The following LTBP4 variants were observed in gnomAD, a reference collection of about 807,000 sequenced individuals.
LTBP4 encodes the protein latent transforming growth factor beta binding protein 4, also known as latent-transforming growth factor beta-binding protein 4.
Under a neutral mutation model 180.2 loss-of-function variants are expected in LTBP4, and 93 were observed. The ratio of observed to expected loss-of-function variants is 0.52; its 90% CI spans 0.44 to 0.61. The LOEUF (loss-of-function observed/expected upper bound fraction) is 0.61. Ranked by LOEUF, LTBP4 falls within the 20% of genes least tolerant of loss-of-function variation. The probability of loss-of-function intolerance (pLI) is 0.00; values close to 1 mark genes in which losing one functional copy is unlikely to be tolerated. For synonymous variants in LTBP4, 947 were observed against 934.5 expected (o/e 1.01, Z -0.24); for missense variants, 2,116 against 2,256.5 (o/e 0.94, Z 1.26).
chr19:40,611,717 G>A lies in LTBP4; in HGVS notation c.2054-142G>A. On this transcript the variant is annotated intron_variant, in intron 13 of 29. Coordinates refer to ENST00000396819, the MANE Select transcript of LTBP4 (RefSeq NM_001042545.2). The surrounding 1 kb of genome is among the most constrained non-coding windows in gnomAD (Gnocchi z 4.4). ...ACCATTGAATGGGGACACGAGGAAGGTGTCTGTCTTCCTGGGAAGAGGGAG... is the reference window on the plus strand; with the variant it reads ...ACCATTGAATGGGGACACGAGGAAGATGTCTGTCTTCCTGGGAAGAGGGAG... The A allele has an allele frequency of 7.8e-7, 1 of 1,284,278 alleles. No homozygotes were observed. The highest frequency in any genetic ancestry group is 1.1e-6 in the Non-Finnish European group (1 of 946,184). 79.6% of individuals were successfully genotyped at this position (1,284,278 alleles called of 1,614,324 possible).
intron 19 of LTBP4, 90 bp downstream of exon 19, chr19:40,614,536 C>T: frequency 6.8e-7 from 1 of 1,473,412 alleles, no homozygotes; most frequent in Non-Finnish European, 9.1e-7. Flanking sequence ...GCCCTGCTTC[C>T]CAGACTTAGG....
At chr19:40,593,702 A>ATTT (rs5828072) in intron 1 of LTBP4, among the ~76,000 whole-genome samples, 4 of 150,182 alleles carry the variant, frequency 2.7e-5, no homozygotes, top group Non-Finnish European at 4.4e-5. Context: ...TATTAGAGTC[A>ATTT]TTTTTTTTTC....
At chr19:40,625,303 TATATATATATA>T (rs1568414593) in intron 26 of LTBP4, among the ~76,000 whole-genome samples, 486 of 20,820 alleles carry the variant, frequency 0.023, 123 homozygotes, top group Non-Finnish European at 0.03. Context: ...TATATATATA[TATATATATATA>T]TATTTTTTTT....
At chr19:40,602,189 GGGGGT>G (rs1229117546) in intron 1 of LTBP4, among the ~76,000 whole-genome samples, 3 of 149,316 alleles carry the variant, frequency 2.0e-5, no homozygotes, top group Non-Finnish European at 4.5e-5. Flanking sequence ...GTGTGGCGGC[GGGGGT>G]GGGGTGGGGG....
chr19:40,624,191 C>A (rs2081608432), intron 26 of LTBP4, 109 bp downstream of exon 26: 10 of 1,322,716 alleles, frequency 7.6e-6, no homozygotes, highest in Non-Finnish European at 2.0e-6. Flanking sequence ...ACGCCCCATG[C>A]TCCTGGCTCG....
At chr19:40,614,288 A>G (rs754908836) in intron 18 of LTBP4, 27 bp from the exon 19 acceptor site, 1 of 1,586,440 alleles carries the variant, frequency 6.3e-7, no homozygotes, top group Admixed American at 1.7e-5. Context: ...TGCTTCCCAC[A>G]TCCGACCACC....
chr19:40,609,993 C>A lies in LTBP4; in HGVS notation c.1684+122C>A. 7.4e-7 allele frequency: 1 copy of A among 1,353,590 alleles called. No homozygotes were observed. Among genetic ancestry groups the A allele is most frequent in the Non-Finnish European group, 9.7e-7 (1 of 1,026,398 alleles). 83.8% of individuals were successfully genotyped at this position (1,353,590 alleles called of 1,614,324 possible). A position where few individuals can be genotyped will look rare whatever the true frequency, so the allele number is the denominator to read the frequency against. On this transcript the variant is annotated intron_variant, in intron 11 of 29. Coordinates refer to ENST00000396819, the MANE Select transcript of LTBP4 (RefSeq NM_001042545.2). This position sits in a 1 kb window ranked among gnomAD's most constrained non-coding sequence, Gnocchi z 4.9. ...GGGTCCCGCCCCAGGACTGCTCTGC[C>A]CTGGCCCTTGGCCCTGCCCTTCCCT...
chr19:40,624,203 C>A (rs1265357781), intron 26 of LTBP4, 121 bp downstream of exon 26: 2 of 1,195,616 alleles, frequency 1.7e-6, no homozygotes, highest in South Asian at 3.3e-5. Flanking sequence ...CCTGGCTCGA[C>A]CACGCCCCAC....
At chr19:40,599,799 C>T (rs1305671378), upstream of LTBP4, 3 of 578,046 alleles carry the variant, frequency 5.2e-6, no homozygotes, top group Non-Finnish European at 9.1e-6. Flanking sequence ...CTCTTTTCCT[C>T]TCTCTCTTTC....
chr19:40,620,059 C>CA (rs1388949890), intron 22 of LTBP4, among the ~76,000 whole-genome samples: 1 of 152,062 alleles, frequency 6.6e-6, no homozygotes, highest in Non-Finnish European at 1.5e-5. Context: ...AGCCAGAGAG[C>CA]ATCTGGCATG....
chr19:40,627,063 C>T lies in LTBP4; in HGVS notation c.4074C>T (p.Gly1358=). The part of the protein sequence containing the change: ...PGGFGLPYEY[G]PDLGPPYQGL... ...GCTTTGGACTCCCCTACGAGTACGG[C>T]CCAGACTTAGGTCCACCTTACCAGG... The change falls in exon 28 of 30, where the codon GGC becomes GGT. Residue 1358 remains glycine (G), a synonymous_variant. Coordinates refer to ENST00000396819, the MANE Select transcript of LTBP4 (RefSeq NM_001042545.2). 1 of 1,613,760 alleles carries T rather than the reference C, an allele frequency of 6.2e-7. No individual in the cohort carries two copies.
upstream of LTBP4, chr19:40,597,250 A>G (rs1568399241): frequency 2.0e-6 from 3 of 1,507,404 alleles, no homozygotes; most frequent in Middle Eastern, 2.3e-4. Context: ...GAGGCCTGGC[A>G]CCAGCGGCCG....
chr19:40,623,535 C>G, intron 24 of LTBP4, 69 bp from the exon 25 acceptor site: 1 of 1,541,820 alleles, frequency 6.5e-7, no homozygotes, highest in Non-Finnish European at 8.8e-7. Context: ...TCTCTGTCTT[C>G]CCACGTCATG....
chr19:40,595,056 G>T (rs779139602), intron 1 of LTBP4, among the ~76,000 whole-genome samples: 3 of 152,112 alleles, frequency 2.0e-5, no homozygotes, highest in Non-Finnish European at 4.4e-5. Context: ...CGGGGCTAAC[G>T]CTACAGAACT....
rs1357218929 is a variant in LTBP4, at chr19:40,611,828, T to C, written c.2054-31T>C. 3.8e-6 allele frequency: 6 copies of C among 1,594,366 alleles called. No homozygotes were observed. The highest frequency in any genetic ancestry group is 5.1e-6 in the Non-Finnish European group (6 of 1,169,084). ...GCCATGGGAATGGATTCAGGCCCCTTCCTCAGCCTCATTGGTCCCCTCTGC... is the reference window on the plus strand; with the variant it reads ...GCCATGGGAATGGATTCAGGCCCCTCCCTCAGCCTCATTGGTCCCCTCTGC... On this transcript the variant is annotated intron_variant, in intron 13 of 29. Transcript: ENST00000396819. The surrounding 1 kb of genome is among the most constrained non-coding windows in gnomAD (Gnocchi z 4.4).
chr19:40,622,130 A>G lies in LTBP4; in HGVS notation c.3218-271A>G, dbSNP rs964699730. Among the ~76,000 whole-genome samples the G allele has an allele frequency of 2.0e-5, 3 of 152,290 alleles. No individual in the cohort carries two copies. The highest frequency in any genetic ancestry group is 1.3e-4 in the Admixed American group (2 of 15,280). ...GACCCAGAGAGGCATCCAGGAAGCC[A>G]GGGAAGTTCCCTCACCACCCACCCA... On this transcript the variant is annotated intron_variant, in intron 22 of 29. Coordinates refer to ENST00000396819, the MANE Select transcript of LTBP4 (RefSeq NM_001042545.2). This position sits in a 1 kb window ranked among gnomAD's most constrained non-coding sequence, Gnocchi z 5.1.
intron 29 of LTBP4, among the ~76,000 whole-genome samples, chr19:40,628,869 C>T (rs1280942717): frequency 2.0e-5 from 3 of 150,442 alleles, no homozygotes; most frequent in African/African-American, 7.3e-5. Flanking sequence ...CTTTTCTTGG[C>T]GACAGAGACT....
intron 9 of LTBP4, 70 bp downstream of exon 9, chr19:40,608,673 G>T: frequency 6.6e-7 from 1 of 1,518,688 alleles, no homozygotes; most frequent in Non-Finnish European, 8.9e-7. Context: ...AGCATTTTGG[G>T]AGGCTGAGGA....
At chr19:40,608,651 G>C in intron 9 of LTBP4, 48 bp downstream of exon 9, 2 of 1,544,600 alleles carry the variant, frequency 1.3e-6, no homozygotes, top group Non-Finnish European at 8.7e-7. Flanking sequence ...AGTGGCTCAC[G>C]CCTGTAATCC....
Sources: gnomAD v4.1 joint callset for allele counts (sites outside exome capture counted in the v4.1 genomes callset) on GRCh38, gnomAD v4.1.1 for gene constraint, Gnocchi (gnomAD v3.1) non-coding constraint, MANE v1.5 for transcripts, NCBI Gene and HGNC (gene_info 2026-07-23, HGNC 2026-07-21) for gene names.